Variants in HIRA observed in about 807,000 individuals in gnomAD.
The protein encoded by HIRA is histone cell cycle regulator, also known as protein HIRA.
A neutral mutation model predicts 126.6 loss-of-function variants in HIRA; 13 were observed. That is an observed-to-expected ratio of 0.10 (90% CI 0.07 to 0.16). The LOEUF (loss-of-function observed/expected upper bound fraction) is 0.16, where lower values mean the gene tolerates loss of function less well. HIRA is among the 10% of genes least tolerant of loss of function. The pLI is 1.00. For missense variants in HIRA, 834 were observed against 1,314.4 expected (o/e 0.63, Z 5.65); for synonymous variants, 511 against 520.0 (o/e 0.98, Z 0.24).
intron 1 of HIRA, 33 bp downstream of exon 1, chr22:19,431,407 G>A (rs746325637): frequency 6.2e-7 from 1 of 1,605,268 alleles, no homozygotes; most frequent in Non-Finnish European, 8.5e-7. Flanking sequence ...CCGACTCCGG[G>A]CTCGGCCTCC....
intron 15 of HIRA, among the ~76,000 whole-genome samples, chr22:19,364,016 G>C (rs887762266): frequency 3.3e-5 from 5 of 152,176 alleles, no homozygotes; most frequent in African/African-American, 1.2e-4. Flanking sequence ...TGTAAACTTT[G>C]GGTGACGGTG....
intron 24 of HIRA, among the ~76,000 whole-genome samples, chr22:19,348,328 T>C (rs1377620337): frequency 6.6e-6 from 1 of 152,134 alleles, no homozygotes; most frequent in Non-Finnish European, 1.5e-5. Flanking sequence ...ACAATCTGAA[T>C]GAGAAACAGC....
At chr22:19,379,952 G>A (rs1444387898) in intron 13 of HIRA, among the ~76,000 whole-genome samples, 1 of 152,002 alleles carries the variant, frequency 6.6e-6, no homozygotes, top group East Asian at 1.9e-4. Context: ...GGGACTACAG[G>A]GGCGTGCCAC....
intron 5 of HIRA, among the ~76,000 whole-genome samples, chr22:19,404,849 G>A (rs2089295818): frequency 6.6e-6 from 1 of 152,072 alleles, no homozygotes; most frequent in Non-Finnish European, 1.5e-5. Context: ...ACCTCTCTGT[G>A]CCCTATCCTA....
At chr22:19,379,128 C>A (rs558208648) in intron 13 of HIRA, among the ~76,000 whole-genome samples, 7 of 151,396 alleles carry the variant, frequency 4.6e-5, no homozygotes, top group African/African-American at 1.7e-4. Flanking sequence ...CCCGGGTTCA[C>A]GCCATTCTCC....
chr22:19,342,495 T>A (rs1326873015), intron 24 of HIRA, among the ~76,000 whole-genome samples: 1 of 152,190 alleles, frequency 6.6e-6, no homozygotes, highest in Non-Finnish European at 1.5e-5. Context: ...CAAGTGATTC[T>A]CCTGCCTCAG....
intron 16 of HIRA, among the ~76,000 whole-genome samples, 163 bp from the exon 17 acceptor site, chr22:19,361,504 C>T (rs529765555): frequency 1.3e-5 from 2 of 152,318 alleles, no homozygotes; most frequent in Admixed American, 1.3e-4. Context: ...ACCTCATGGA[C>T]AAGCCAGTTG....
intron 24 of HIRA, among the ~76,000 whole-genome samples, chr22:19,338,421 C>A (rs1218301058): frequency 1.7e-4 from 24 of 144,114 alleles, no homozygotes; most frequent in Admixed American, 6.9e-4. Flanking sequence ...AAAAAAAAAA[C>A]CAACAAAAAA....
intron 13 of HIRA, among the ~76,000 whole-genome samples, chr22:19,378,947 T>C (rs1413249482): frequency 2.0e-5 from 3 of 152,226 alleles, no homozygotes; most frequent in African/African-American, 4.8e-5. Context: ...AGTAACACTT[T>C]TATCAAATTT....
intron 1 of HIRA, among the ~76,000 whole-genome samples, chr22:19,423,478 TGC>T (rs1491366731): frequency 9.0e-6 from 1 of 110,556 alleles, no homozygotes; most frequent in Non-Finnish European, 1.8e-5. Context: ...CTCACACACA[TGC>T]ATACACACAC....
chr22:19,396,293 A>T (rs1038294122), intron 7 of HIRA, among the ~76,000 whole-genome samples: 2 of 152,212 alleles, frequency 1.3e-5, no homozygotes, highest in South Asian at 2.1e-4. Flanking sequence ...AAGCGGGTAG[A>T]TCACCTGAGG....
rs768051739 is a variant in HIRA at position 19,361,789 on chromosome 22, T to G, written c.1918A>C (p.Lys640Gln). 2 of 1,613,880 alleles carry G rather than the reference T, an allele frequency of 1.2e-6. No homozygotes were observed. Among genetic ancestry groups the G allele is most frequent in the Non-Finnish European group, 1.7e-6 (2 of 1,180,004 alleles). The change falls in exon 16 of 25, where the codon AAG (lysine) becomes CAG (glutamine). Residue 640 changes from lysine to glutamine, a missense_variant. This residue lies in a region of HIRA where 468 missense variants were observed against 574.2 expected (regional missense o/e 0.82). Coordinates refer to ENST00000263208, the MANE Select transcript of HIRA (RefSeq NM_003325.4). ...TTCCGAGGCCGCCCTTTCTTCTTCTTCTCTACTGTCTCTACCTCAAGCTCA... is the reference window on the plus strand; with the variant it reads ...TTCCGAGGCCGCCCTTTCTTCTTCTGCTCTACTGTCTCTACCTCAAGCTCA... ...KLELEVETVE[K>Q]KKKGRPRKDS...
At chr22:19,428,204 GACA>G (rs2089503277) in intron 1 of HIRA, among the ~76,000 whole-genome samples, 1 of 152,150 alleles carries the variant, frequency 6.6e-6, no homozygotes, top group Admixed American at 6.5e-5. Flanking sequence ...ACTACAACGT[GACA>G]ACTTCAAGAT....
Position 19,375,514 on chromosome 22 carries a change from G to A in HIRA, c.1775+117C>T, listed in dbSNP as rs145124498. 385 of 1,057,418 alleles carry A rather than the reference G, an allele frequency of 3.6e-4. 2 individuals carry two copies. The African/African-American group carries it at 5.6e-3, about 15-fold the overall frequency. 65.5% of individuals were successfully genotyped at this position (1,057,418 alleles called of 1,614,324 possible). A position where few individuals can be genotyped will look rare whatever the true frequency, so the allele number is the denominator to read the frequency against. On this transcript the variant is annotated intron_variant, in intron 15 of 24. Transcript: ENST00000263208. ...GCAGTCTTGCTCCCATGTATTGAGT[G>A]GCTAGAGTCTTTTCCCCAACAGGAA...
At chr22:19,391,389 T>C (rs930643723) in intron 9 of HIRA, among the ~76,000 whole-genome samples, 1 of 152,110 alleles carries the variant, frequency 6.6e-6, no homozygotes, top group Non-Finnish European at 1.5e-5. Context: ...AGGAGTGCTC[T>C]AGGCAGTGAT....
chr22:19,431,511 C>G lies in HIRA; in HGVS notation c.-35G>C. On this transcript the variant is annotated 5_prime_UTR_variant, in exon 1 of 25. Transcript: ENST00000263208. ...GCCGCCGCCGCCGGGCTGAGGCGAG[C>G]GCCGGGTCCCTCAGCGCGCCCGGGC... 6.4e-7 allele frequency: 1 copy of G among 1,556,180 alleles called. No homozygotes were observed. The highest frequency in any genetic ancestry group is 8.7e-7 in the Non-Finnish European group (1 of 1,152,274).
At chr22:19,361,637 C>T in intron 16 of HIRA, 90 bp downstream of exon 16, 1 of 1,336,740 alleles carries the variant, frequency 7.5e-7, no homozygotes, top group Non-Finnish European at 1.1e-6. Context: ...GGTGACCCAC[C>T]CAGCTGAGGC....
chr22:19,383,722 A>G lies in HIRA; in HGVS notation c.1330-17T>C. On this transcript the variant is annotated splice_polypyrimidine_tract_variant and intron_variant, in intron 12 of 24. Transcript: ENST00000263208. ...CAAAAGATTCTGGCAAAGCAGAGTTACATAAATGAATGCAAAAGTTTTGGC... is the reference window on the plus strand; with the variant it reads ...CAAAAGATTCTGGCAAAGCAGAGTTGCATAAATGAATGCAAAAGTTTTGGC... The G allele has an allele frequency of 1.2e-6, 2 of 1,601,056 alleles. No homozygotes were observed. Among genetic ancestry groups the G allele is most frequent in the Non-Finnish European group, 1.7e-6 (2 of 1,171,604 alleles).
At chr22:19,337,298 T>C (rs1165720465) in intron 24 of HIRA, among the ~76,000 whole-genome samples, 2 of 151,268 alleles carry the variant, frequency 1.3e-5, no homozygotes, top group Non-Finnish European at 2.9e-5. Context: ...ATCGGTATCA[T>C]AAAGAAAAAA....
Sources: allele counts gnomAD v4.1 joint callset (sites outside exome capture counted in the v4.1 genomes callset), GRCh38; gene constraint gnomAD v4.1.1; regional missense constraint gnomAD v4.1.1; transcripts MANE v1.5; gene names NCBI Gene and HGNC (gene_info 2026-07-23, HGNC 2026-07-21).